EHHADH: variants seen among roughly 807,000 people sequenced by gnomAD.
EHHADH encodes the protein peroxisomal bifunctional enzyme.
Under a neutral mutation model 64.4 loss-of-function variants are expected in EHHADH, and 48 were observed. The ratio of observed to expected loss-of-function variants is 0.75; its 90% CI spans 0.59 to 0.95. The LOEUF (loss-of-function observed/expected upper bound fraction) is 0.95. Ranked by LOEUF, EHHADH falls within the 40% of genes least tolerant of loss-of-function variation. The pLI, the probability that EHHADH is intolerant of heterozygous loss-of-function variation, is 0.00. For missense variants in EHHADH, 854 were observed against 876.6 expected (o/e 0.97, Z 0.33); for synonymous variants, 308 against 326.7 (o/e 0.94, Z 0.62).
At chr3:185,248,775 G>C (rs965157434) in intron 1 of EHHADH, among the ~76,000 whole-genome samples, 1 of 152,122 alleles carries the variant, frequency 6.6e-6, no homozygotes. Flanking sequence ...TAATTTTCCT[G>C]CACTGTGCTT....
In EHHADH at chr3:185,203,281, C is replaced by T. The variant is rs184310398; in HGVS notation, c.910+1135G>A. Among the ~76,000 whole-genome samples the T allele has an allele frequency of 4.4e-3, 667 of 151,804 alleles. 10 individuals carry two copies. The highest frequency in any genetic ancestry group is 0.015 in the African/African-American group (610 of 41,390). ...GGGAAATAAAACAAATATAGTAAAA[C>T]GTTAACATTTGGAGGATCTGGATAA... On this transcript the variant is annotated intron_variant, in intron 6 of 6. Coordinates refer to ENST00000231887, the MANE Select transcript of EHHADH (RefSeq NM_001966.4).
At chr3:185,242,755 G>A (rs1719492155) in intron 2 of EHHADH, among the ~76,000 whole-genome samples, 1 of 152,168 alleles carries the variant, frequency 6.6e-6, no homozygotes, top group Non-Finnish European at 1.5e-5. Context: ...TCCAGGCAGT[G>A]GGCAAGCAGG....
At chr3:185,235,490 A>G (rs766751081) in intron 2 of EHHADH, 28 bp from the exon 3 acceptor site, 4 of 1,574,464 alleles carry the variant, frequency 2.5e-6, no homozygotes, top group Admixed American at 3.7e-5. Context: ...AGGAGAAAAC[A>G]GAGTTGAGAA....
intron 6 of EHHADH, among the ~76,000 whole-genome samples, chr3:185,203,579 G>T (rs1718289774): frequency 6.6e-6 from 1 of 152,156 alleles, no homozygotes; most frequent in African/African-American, 2.4e-5. Context: ...CAATCAGGGA[G>T]CTAGCATCTG....
Position 185,192,391 on chromosome 3 carries a change from T to C in EHHADH, c.2007A>G (p.Thr669=), listed in dbSNP as rs1217512955. 6 of 1,614,126 alleles carry C rather than the reference T, an allele frequency of 3.7e-6. No homozygotes were observed. Among genetic ancestry groups the C allele is most frequent in the Middle Eastern group, 1.6e-4 (1 of 6,084 alleles). The change falls in exon 7 of 7, where the codon ACA becomes ACG. Residue 669 remains threonine (T), a synonymous_variant. Coordinates refer to ENST00000231887, the MANE Select transcript of EHHADH (RefSeq NM_001966.4). ...HKGGPMFYAS[T]VGLPTVLEKL... Reference sequence around the variant, plus strand: ...TCTCTAGAACTGTGGGCAACCCAACTGTGGAAGCATAGAACATGGGCCCGC... The same window carrying C: ...TCTCTAGAACTGTGGGCAACCCAACCGTGGAAGCATAGAACATGGGCCCGC...
intron 2 of EHHADH, among the ~76,000 whole-genome samples, chr3:185,235,686 A>G (rs1289838019): frequency 6.6e-6 from 1 of 152,128 alleles, no homozygotes; most frequent in Non-Finnish European, 1.5e-5. Context: ...ATGAGAGAAA[A>G]TCCTTGAATC....
At chr3:185,228,233 C>CAAA (rs559959272) in intron 4 of EHHADH, among the ~76,000 whole-genome samples, 9 of 12,646 alleles carry the variant, frequency 7.1e-4, no homozygotes, top group South Asian at 4.3e-3. Context: ...GACTCCGTCT[C>CAAA]AAAAAAAAAA....
At position 185,229,429 on chromosome 3, in the gene EHHADH, G is replaced by C; in HGVS notation, c.463+3C>G. ...GACAGTTGTTGCCAAGGTCTATACTGACCTGAGGTAATTAAGTCAAGTGCA... is the reference window on the plus strand; with the variant it reads ...GACAGTTGTTGCCAAGGTCTATACTCACCTGAGGTAATTAAGTCAAGTGCA... On this transcript the variant is annotated splice_donor_region_variant and intron_variant, in intron 4 of 6. Coordinates refer to ENST00000231887, the MANE Select transcript of EHHADH (RefSeq NM_001966.4). 1 of 1,518,684 alleles carries C rather than the reference G, an allele frequency of 6.6e-7. No homozygotes were observed. Among genetic ancestry groups the C allele is most frequent in the East Asian group, 2.4e-5 (1 of 42,348 alleles). The allele number at this position is 1,518,684 out of a possible 1,614,324, so 94.1% of individuals were successfully genotyped here.
intron 5 of EHHADH, among the ~76,000 whole-genome samples, chr3:185,208,696 C>T (rs1482025104): frequency 6.6e-6 from 1 of 152,150 alleles, no homozygotes; most frequent in African/African-American, 2.4e-5. Context: ...GAAATGAAAG[C>T]ATATGCCATA....
intron 6 of EHHADH, among the ~76,000 whole-genome samples, chr3:185,195,606 A>C (rs1718036225): frequency 6.6e-6 from 1 of 152,236 alleles, no homozygotes; most frequent in African/African-American, 2.4e-5. Flanking sequence ...CATAAAAAAG[A>C]ATAAAATCAC....
intron 1 of EHHADH, among the ~76,000 whole-genome samples, chr3:185,249,096 C>T (rs1719674497): frequency 6.6e-6 from 1 of 152,044 alleles, no homozygotes; most frequent in Non-Finnish European, 1.5e-5. Flanking sequence ...AGTATTAAAA[C>T]ACTTGGTTTT....
intron 5 of EHHADH, among the ~76,000 whole-genome samples, chr3:185,206,822 T>C (rs1404923796): frequency 1.3e-5 from 2 of 150,014 alleles, no homozygotes; most frequent in East Asian, 4.0e-4. Flanking sequence ...AGCGAGACTC[T>C]GTCTCCAAAA....
At chr3:185,210,816 GA>G (rs60244246) in intron 5 of EHHADH, among the ~76,000 whole-genome samples, 5,927 of 152,026 alleles carry the variant, frequency 0.039, 179 homozygotes, top group Non-Finnish European at 0.061. Flanking sequence ...AGATTGAAAA[GA>G]AAAGATGGGA....
At chr3:185,211,476 A>T (rs1267440222) in intron 5 of EHHADH, among the ~76,000 whole-genome samples, 1 of 152,210 alleles carries the variant, frequency 6.6e-6, no homozygotes, top group African/African-American at 2.4e-5. Flanking sequence ...CTGTAATGGC[A>T]GGAAAAGATT....
intron 2 of EHHADH, among the ~76,000 whole-genome samples, chr3:185,246,819 A>G (rs145166370): frequency 0.015 from 2,320 of 152,220 alleles, 60 homozygotes; most frequent in African/African-American, 0.052. Context: ...GTTCCTTTAC[A>G]TAAATACTTA....
At position 185,190,673 on chromosome 3, in the gene EHHADH, A is replaced by G. The variant is rs1717837531; in HGVS notation, c.*1553T>C. The G allele has an allele frequency of 6.6e-6, 1 of 152,178 alleles. No individual in the cohort carries two copies. The highest frequency in any genetic ancestry group is 2.4e-5 in the African/African-American group (1 of 41,442). The allele number at this position is 152,178 out of a possible 1,614,324, so 9.4% of individuals were successfully genotyped here. ...ATTGATGTCTTTAATTTCACAAACC[A>G]AATTATATAAAATTAAGTAGTACAC... On this transcript the variant is annotated 3_prime_UTR_variant, in exon 7 of 7. Coordinates refer to ENST00000231887, the MANE Select transcript of EHHADH (RefSeq NM_001966.4).
chr3:185,220,891 T>C (rs1478226552), intron 4 of EHHADH, among the ~76,000 whole-genome samples: 1 of 152,224 alleles, frequency 6.6e-6, no homozygotes, highest in Non-Finnish European at 1.5e-5. Context: ...AAATGTCATA[T>C]TCAAGTTTTC....
At position 185,196,471 on chromosome 3, in the gene EHHADH, C is replaced by T. The variant is rs192001740; in HGVS notation, c.911-2984G>A. On this transcript the variant is annotated intron_variant, in intron 6 of 6. Coordinates refer to ENST00000231887, the MANE Select transcript of EHHADH (RefSeq NM_001966.4). ...CCTGACCAACATGGTGAAGCCCCATCTCTACTAAAAATACAAAAATTAGCT... is the reference window on the plus strand; with the variant it reads ...CCTGACCAACATGGTGAAGCCCCATTTCTACTAAAAATACAAAAATTAGCT... Among the ~76,000 whole-genome samples the T allele has an allele frequency of 2.6e-3, 395 of 151,960 alleles. 2 individuals carry two copies. Among genetic ancestry groups the T allele is most frequent in the Non-Finnish European group, 4.4e-3 (299 of 67,958 alleles).
Position 185,204,523 on chromosome 3 carries a change from A to G in EHHADH, c.803T>C (p.Leu268Pro). 1.2e-6 allele frequency: 2 copies of G among 1,614,214 alleles called. No individual in the cohort carries two copies. Among genetic ancestry groups the G allele is most frequent in the Non-Finnish European group, 1.7e-6 (2 of 1,180,044 alleles). Residue 268 changes from leucine (L) to proline (P), a missense_variant, in exon 6 of 7, where the codon CTG becomes CCG. Coordinates refer to ENST00000231887, the MANE Select transcript of EHHADH (RefSeq NM_001966.4). ...CCTTTCAGCGAAGAAAGCATATTGC[A>G]GGGCTCTAGCCTGCCCTGATTGCAA... ...YLLQSGQARA[L>P]QYAFFAERKA...
Sources: gnomAD v4.1 joint callset for allele counts (sites outside exome capture counted in the v4.1 genomes callset) on GRCh38, gnomAD v4.1.1 for gene constraint, MANE v1.5 for transcripts, NCBI Gene and HGNC (gene_info 2026-07-23, HGNC 2026-07-21) for gene names.